Variants in NEK10 observed in about 807,000 individuals in gnomAD.
NEK10 encodes the protein serine/threonine-protein kinase Nek10.
NEK10 carries 122 observed loss-of-function variants against 159.8 expected under a neutral mutation model. The ratio of observed to expected loss-of-function variants is 0.76; its 90% CI spans 0.66 to 0.89. The LOEUF is 0.89. Among genes scored for constraint, NEK10 ranks in the 40% least tolerant of loss-of-function variants. The pLI is 0.00. For synonymous variants in NEK10, 466 were observed against 457.1 expected (o/e 1.02, Z -0.25); for missense variants, 1,342 against 1,323.1 (o/e 1.01, Z -0.22).
chr3:27,344,175 T>A lies in NEK10; in HGVS notation c.362+97A>T, dbSNP rs151207148. 2.0e-3 allele frequency: 1,260 copies of A among 641,430 alleles called. 29 individuals carry two copies. In the East Asian group the frequency reaches 0.03, roughly 15 times the overall value. 39.7% of individuals were successfully genotyped at this position (641,430 alleles called of 1,614,324 possible). A position where few individuals can be genotyped will look rare whatever the true frequency, so the allele number is the denominator to read the frequency against. On this transcript the variant is annotated intron_variant, in intron 5 of 35. Coordinates refer to ENST00000691995, the MANE Select transcript of NEK10 (RefSeq NM_001394966.1). The stretch of plus-strand genomic sequence containing the variant: ...CCTCCTTCTTTCCTTTAATGACATG[T>A]TCAATCCTGTAAGATGTTTCAAATC...
intron 25 of NEK10, 59 bp from the exon 26 acceptor site, chr3:27,192,301 T>C (rs1450496363): frequency 7.7e-7 from 1 of 1,300,436 alleles, no homozygotes; most frequent in Non-Finnish European, 1.1e-6. Context: ...GGCCACAGAG[T>C]GTAAAGGGTC....
chr3:27,339,703 C>T (rs760950761), intron 5 of NEK10, among the ~76,000 whole-genome samples: 2 of 148,782 alleles, frequency 1.3e-5, no homozygotes, highest in African/African-American at 2.5e-5. Flanking sequence ...TGCTTGAACT[C>T]GGGAGGTAGA....
chr3:27,213,973 A>G (rs916203305), intron 23 of NEK10, among the ~76,000 whole-genome samples: 1 of 152,210 alleles, frequency 6.6e-6, no homozygotes, highest in African/African-American at 2.4e-5. Context: ...AATAGAAAGC[A>G]TTTGCCATCT....
rs933601840 is a variant in NEK10, at chr3:27,107,876, T to G, written c.*3396A>C. On this transcript the variant is annotated 3_prime_UTR_variant, in exon 36 of 36. Coordinates refer to ENST00000691995, the MANE Select transcript of NEK10 (RefSeq NM_001394966.1). ...CTAAAGGAACCCAGCATATTGACTG[T>G]GCATGATTCCTCACCACTTCAAAAA... Among the ~76,000 whole-genome samples the G allele has an allele frequency of 2.0e-5, 3 of 152,206 alleles. No individual in the cohort carries two copies. Among genetic ancestry groups the G allele is most frequent in the Non-Finnish European group, 2.9e-5 (2 of 68,034 alleles).
intron 30 of NEK10, among the ~76,000 whole-genome samples, chr3:27,159,956 T>A (rs565346590): frequency 1.1e-4 from 16 of 151,294 alleles, no homozygotes; most frequent in Admixed American, 2.0e-4. Flanking sequence ...ATGCTCTGAT[T>A]TTGGCAAAAT....
chr3:27,254,021 G>A (rs1955924033), intron 23 of NEK10, among the ~76,000 whole-genome samples: 2 of 151,992 alleles, frequency 1.3e-5, no homozygotes, highest in Non-Finnish European at 2.9e-5. Context: ...AGATGCTGAG[G>A]GCTCCCCCTT....
intron 30 of NEK10, among the ~76,000 whole-genome samples, chr3:27,156,578 A>C: frequency 6.6e-6 from 1 of 152,236 alleles, no homozygotes; most frequent in African/African-American, 2.4e-5. Flanking sequence ...TGAGCAGGGA[A>C]ATGCAAATCA....
intron 6 of NEK10, among the ~76,000 whole-genome samples, chr3:27,321,651 A>G (rs190809729): frequency 1.5e-3 from 233 of 152,240 alleles, no homozygotes; most frequent in Admixed American, 3.1e-3. Flanking sequence ...CCAACCAGGA[A>G]AAGATTCTTG....
rs547585339 is a variant in NEK10 at position 27,336,798 on chromosome 3, C to A, written c.362+7474G>T. ...AAAAGCATTTGATAAAATCCAATAT[C>A]CTTCCTGATTAAAAACTCTCAACAA... On this transcript the variant is annotated intron_variant, in intron 5 of 35. Coordinates refer to ENST00000691995, the MANE Select transcript of NEK10 (RefSeq NM_001394966.1). Among the ~76,000 whole-genome samples the A allele has an allele frequency of 1.1e-4, 17 of 152,240 alleles. No homozygotes were observed. In the East Asian group the frequency reaches 3.1e-3, roughly 28 times the overall value.
rs80302164 is a variant in NEK10 at position 27,352,485 on chromosome 3, C to A, written c.112G>T (p.Val38Phe). 1 of 1,611,040 alleles carries A rather than the reference C, an allele frequency of 6.2e-7. No homozygotes were observed. Residue 38 changes from valine (V) to phenylalanine (F), a missense_variant, in exon 3 of 36, where the codon GTC (valine) becomes TTC (phenylalanine). Physicochemically the swap from Val to Phe is conservative, Grantham distance 50. Transcript: ENST00000691995. ...GCTACCTGTTGTTTGCTTGATTGGA[C>A]GTTCAAAAGGCACCGAAGTCTTTTA... Reference protein sequence around the residue: ...DLKRLRCLLNVQSSKQQLPAI... With the variant: ...DLKRLRCLLNFQSSKQQLPAI...
chr3:27,128,738 C>A (rs1414369785), intron 32 of NEK10, among the ~76,000 whole-genome samples: 1 of 151,860 alleles, frequency 6.6e-6, no homozygotes, highest in African/African-American at 2.4e-5. Context: ...CCATAAATAG[C>A]CAGTGGGAGC....
intron 6 of NEK10, among the ~76,000 whole-genome samples, chr3:27,316,808 A>G (rs2045229435): frequency 6.6e-6 from 1 of 151,860 alleles, no homozygotes; most frequent in Admixed American, 6.6e-5. Flanking sequence ...AAGAAAAGAG[A>G]GAGAGACAGA....
At chr3:27,263,873 T>C (rs1207044609) in intron 22 of NEK10, among the ~76,000 whole-genome samples, 1 of 152,164 alleles carries the variant, frequency 6.6e-6, no homozygotes, top group Non-Finnish European at 1.5e-5. Flanking sequence ...AGTACCTCAG[T>C]TGGAAATGCA....
rs1444024618 is a variant in NEK10, at chr3:27,215,887, A to G, written c.2091-13330T>C. On this transcript the variant is annotated intron_variant, in intron 23 of 35. Coordinates refer to ENST00000691995, the MANE Select transcript of NEK10 (RefSeq NM_001394966.1). Reference sequence around the variant, plus strand: ...AAGGTAGAGGTGCTGCACACTTTAAACAACCAGATCACACGAAAACTCACC... The same window carrying G: ...AAGGTAGAGGTGCTGCACACTTTAAGCAACCAGATCACACGAAAACTCACC... 8.5e-6 allele frequency: 6 copies of G among 706,430 alleles called. 1 individual carries two copies. In the South Asian group the frequency reaches 9.2e-5, roughly 11 times the overall value. 43.8% of individuals were successfully genotyped at this position (706,430 alleles called of 1,614,324 possible).
intron 30 of NEK10, among the ~76,000 whole-genome samples, chr3:27,158,041 G>T (rs1945661548): frequency 1.3e-5 from 2 of 152,074 alleles, no homozygotes; most frequent in African/African-American, 2.4e-5. Flanking sequence ...TAACCTTTAT[G>T]TGCATTGGAA....
intron 30 of NEK10, among the ~76,000 whole-genome samples, chr3:27,156,629 C>T (rs1331146874): frequency 6.6e-6 from 1 of 151,648 alleles, no homozygotes; most frequent in Non-Finnish European, 1.5e-5. Context: ...CAAGAATGAC[C>T]ATAATCAAAA....
At chr3:27,326,192 A>G (rs1358339559) in intron 5 of NEK10, among the ~76,000 whole-genome samples, 1 of 152,226 alleles carries the variant, frequency 6.6e-6, no homozygotes, top group Non-Finnish European at 1.5e-5. Flanking sequence ...TAATACAGAG[A>G]GGATATCTTT....
intron 22 of NEK10, among the ~76,000 whole-genome samples, chr3:27,275,154 A>G (rs749042206): frequency 6.6e-5 from 10 of 152,214 alleles, no homozygotes; most frequent in Admixed American, 3.9e-4. Context: ...GAAAAGGATA[A>G]CAATTGTCAG....
At chr3:27,322,310 G>T in intron 5 of NEK10, 49 bp from the exon 6 acceptor site, 1 of 1,143,132 alleles carries the variant, frequency 8.7e-7, no homozygotes, top group Non-Finnish European at 1.3e-6. Context: ...ATCCCAGTGT[G>T]GCAATTCATA....
Sources: allele counts gnomAD v4.1 joint callset (sites outside exome capture counted in the v4.1 genomes callset), GRCh38; gene constraint gnomAD v4.1.1; transcripts MANE v1.5; gene names NCBI Gene and HGNC (gene_info 2026-07-23, HGNC 2026-07-21).